RIMS1: variants seen among roughly 807,000 people sequenced by gnomAD.
RIMS1 encodes regulating synaptic membrane exocytosis 1.
RIMS1 carries 83 observed loss-of-function variants against 214.1 expected under a neutral mutation model. The observed-to-expected ratio is 0.39, with a 90% confidence interval of 0.32 to 0.47. The LOEUF (loss-of-function observed/expected upper bound fraction) is 0.47, where lower values mean the gene tolerates loss of function less well. Ranked by LOEUF, RIMS1 falls within the 20% of genes least tolerant of loss-of-function variation. The probability of loss-of-function intolerance (pLI) is 0.99; values close to 1 mark genes in which losing one functional copy is unlikely to be tolerated. For missense variants in RIMS1, 2,050 were observed against 2,161.8 expected (o/e 0.95, Z 1.03); for synonymous variants, 793 against 786.8 (o/e 1.01, Z -0.13).
chr6:72,282,549 G>A (rs2090650479), intron 23 of RIMS1, among the ~76,000 whole-genome samples: 1 of 152,092 alleles, frequency 6.6e-6, no homozygotes, highest in South Asian at 2.1e-4. Flanking sequence ...TAAGGCATGT[G>A]CCAGAATCTC....
At chr6:72,126,159 A>G (rs2039468439) in intron 4 of RIMS1, among the ~76,000 whole-genome samples, 1 of 31,410 alleles carries the variant, frequency 3.2e-5, no homozygotes, top group Non-Finnish European at 6.5e-5. Flanking sequence ...GCATACAAGA[A>G]CAAAAATTGG....
chr6:72,209,022 T>C (rs897061907), intron 6 of RIMS1, among the ~76,000 whole-genome samples: 13 of 152,154 alleles, frequency 8.5e-5, no homozygotes, highest in African/African-American at 1.7e-4. Flanking sequence ...CCAGTTCTCA[T>C]TGAAGATCTC....
chr6:72,049,424 A>G (rs940808648), intron 2 of RIMS1, among the ~76,000 whole-genome samples: 2 of 152,144 alleles, frequency 1.3e-5, no homozygotes, highest in Admixed American at 1.3e-4. Context: ...ATCTGATTAC[A>G]CTTTATTTCA....
intron 2 of RIMS1, among the ~76,000 whole-genome samples, chr6:72,008,629 A>T (rs968669774): frequency 6.6e-6 from 1 of 152,212 alleles, no homozygotes; most frequent in Admixed American, 6.5e-5. Context: ...ATGGAGGAAG[A>T]TCTACCAAGC....
chr6:72,024,667 A>G (rs1056744466), intron 2 of RIMS1, among the ~76,000 whole-genome samples: 2 of 152,096 alleles, frequency 1.3e-5, no homozygotes, highest in African/African-American at 4.8e-5. Context: ...ATAAAACCAA[A>G]ATAACTTAAA....
chr6:71,955,332 A>G (rs1790917945), intron 1 of RIMS1, among the ~76,000 whole-genome samples: 2 of 151,906 alleles, frequency 1.3e-5, no homozygotes, highest in African/African-American at 4.8e-5. Context: ...ATGCCTGGCT[A>G]ACTTTTGTAT....
intron 29 of RIMS1, among the ~76,000 whole-genome samples, chr6:72,386,883 G>A (rs1418791360): frequency 1.3e-5 from 2 of 151,482 alleles, no homozygotes; most frequent in Admixed American, 1.3e-4. Context: ...ACAGGCGCCC[G>A]CCACCACACC....
At position 72,193,388 on chromosome 6, in the gene RIMS1, A is replaced by T. The variant is rs115426128; in HGVS notation, c.1678+10239A>T. Among the ~76,000 whole-genome samples, 447 of 152,350 alleles carry T rather than the reference A, an allele frequency of 2.9e-3. 1 individual carries two copies. Among genetic ancestry groups the T allele is most frequent in the African/African-American group, 0.01 (430 of 41,586 alleles). The stretch of plus-strand genomic sequence containing the variant: ...TTAACATAAATGATCTCATTCTCAA[A>T]TAAATTGTGTGACTATACCTTAAAG... On this transcript the variant is annotated intron_variant, in intron 6 of 33. Transcript: ENST00000521978.
At chr6:72,158,692 G>C (rs1460643649) in intron 4 of RIMS1, among the ~76,000 whole-genome samples, 2 of 138,174 alleles carry the variant, frequency 1.4e-5, no homozygotes, top group Non-Finnish European at 3.3e-5. Context: ...AGTTTTCTGA[G>C]AATGATGGTT....
intron 1 of RIMS1, among the ~76,000 whole-genome samples, chr6:71,931,478 G>GGAAA (rs1381866255): frequency 6.6e-6 from 1 of 151,992 alleles, no homozygotes; most frequent in Non-Finnish European, 1.5e-5. Context: ...TGTCATTCAA[G>GGAAA]GAAAGATAGC....
chr6:72,235,887 G>A (rs1318518453), intron 8 of RIMS1, among the ~76,000 whole-genome samples, 159 bp downstream of exon 8: 1 of 84,136 alleles, frequency 1.2e-5, no homozygotes, highest in Non-Finnish European at 2.2e-5. Context: ...ATAAAATTTA[G>A]GGAAACTAAT....
chr6:72,223,663 G>T (rs1306759571), intron 6 of RIMS1, among the ~76,000 whole-genome samples: 1 of 151,994 alleles, frequency 6.6e-6, no homozygotes, highest in Admixed American at 6.6e-5. Context: ...TAAGCCAGTT[G>T]CAGGCCAGGT....
chr6:72,271,303 A>T, intron 22 of RIMS1, among the ~76,000 whole-genome samples: 1 of 135,722 alleles, frequency 7.4e-6, no homozygotes, highest in Non-Finnish European at 1.6e-5. Context: ...ATATATATAT[A>T]TATATATATA....
intron 2 of RIMS1, among the ~76,000 whole-genome samples, chr6:71,976,140 A>G (rs1426230036): frequency 6.6e-6 from 1 of 152,100 alleles, no homozygotes; most frequent in Non-Finnish European, 1.5e-5. Context: ...GCTAAGCTGT[A>G]TTTCAAAGTA....
chr6:72,227,228 G>T (rs2060460954), intron 6 of RIMS1, among the ~76,000 whole-genome samples: 1 of 151,796 alleles, frequency 6.6e-6, no homozygotes, highest in African/African-American at 2.4e-5. Flanking sequence ...TAAACTGCTG[G>T]GTAGAAAAAT....
intron 4 of RIMS1, among the ~76,000 whole-genome samples, chr6:72,150,024 A>C (rs1423272104): frequency 6.6e-6 from 1 of 152,124 alleles, no homozygotes; most frequent in Non-Finnish European, 1.5e-5. Flanking sequence ...GACAATCGAA[A>C]GGTGAGGGGG....
chr6:72,302,014 T>C lies in RIMS1; in HGVS notation c.3851-5244T>C, dbSNP rs114027725. ...CCTATTTTTGCAAATATAAGAAAAG[T>C]ATTTTAACAATACCCTATTGAAATA... On this transcript the variant is annotated intron_variant, in intron 26 of 33. Coordinates refer to ENST00000521978, the MANE Select transcript of RIMS1 (RefSeq NM_014989.7). Among the ~76,000 whole-genome samples, 656 of 151,720 alleles carry C rather than the reference T, an allele frequency of 4.3e-3. 5 individuals are homozygous for C. The highest frequency in any genetic ancestry group is 0.015 in the African/African-American group (641 of 41,508).
chr6:72,018,010 G>A (rs138272262), intron 2 of RIMS1, among the ~76,000 whole-genome samples: 1 of 152,286 alleles, frequency 6.6e-6, no homozygotes, highest in East Asian at 1.9e-4. Context: ...ATTCTGCTTT[G>A]TGTGAAGTAG....
chr6:72,231,236 A>T (rs961641560), intron 6 of RIMS1, among the ~76,000 whole-genome samples: 4 of 151,716 alleles, frequency 2.6e-5, no homozygotes, highest in African/African-American at 9.7e-5. Flanking sequence ...CAGTAATTAG[A>T]GGGATAGAAG....
Sources: gnomAD v4.1 joint callset for allele counts (sites outside exome capture counted in the v4.1 genomes callset) on GRCh38, gnomAD v4.1.1 for gene constraint, MANE v1.5 for transcripts, NCBI Gene and HGNC (gene_info 2026-07-23, HGNC 2026-07-21) for gene names.